The following SMAD3 variants were observed in gnomAD, a reference collection of about 807,000 sequenced individuals.
SMAD3 encodes MAD homolog 3.
SMAD3 carries 12 observed loss-of-function variants against 51.8 expected under a neutral mutation model. The ratio of observed to expected loss-of-function variants is 0.23; its 90% CI spans 0.15 to 0.38. SMAD3 has a LOEUF of 0.38. SMAD3 is among the 10% of genes least tolerant of loss of function. The probability of loss-of-function intolerance (pLI) is 1.00; values close to 1 mark genes in which losing one functional copy is unlikely to be tolerated. For missense variants in SMAD3, 294 were observed against 565.6 expected (o/e 0.52, Z 4.87); for synonymous variants, 238 against 227.7 (o/e 1.05, Z -0.41).
rs58255931 is a variant in SMAD3 at position 67,113,096 on chromosome 15, T to TATATATATATATATATATATATA, written c.206+46736_206+46737insATATATATATATATATATATATA. Among the ~76,000 whole-genome samples, 280 of 86,836 alleles carry TATATATATATATATATATATATA rather than the reference T, an allele frequency of 3.2e-3. 16 individuals are homozygous for TATATATATATATATATATATATA. Among genetic ancestry groups the TATATATATATATATATATATATA allele is most frequent in the Middle Eastern group, 4.8e-3 (1 of 208 alleles). 57.0% of individuals were successfully genotyped at this position (86,836 alleles called of 152,430 possible). ...TATGTGTATATATATATATATATATTTTTTTGAGACAGAGTCTTGCTCTGT... is the reference window on the plus strand; with the variant it reads ...TATGTGTATATATATATATATATATTATATATATATATATATATATATATTTTTGAGACAGAGTCTTGCTCTGT... On this transcript the variant is annotated intron_variant, in intron 1 of 8. Coordinates refer to ENST00000327367, the MANE Select transcript of SMAD3 (RefSeq NM_005902.4).
rs561381522 is a variant in SMAD3 at position 67,108,296 on chromosome 15, C to G, written c.206+41936C>G. ...CACCATGGGAGAGGTCTGTGAAAATCACTGGAATTGAAAATGACCATGCTT... is the reference window on the plus strand; with the variant it reads ...CACCATGGGAGAGGTCTGTGAAAATGACTGGAATTGAAAATGACCATGCTT... On this transcript the variant is annotated intron_variant, in intron 1 of 8. Coordinates refer to ENST00000327367, the MANE Select transcript of SMAD3 (RefSeq NM_005902.4). 2.0e-4 allele frequency among the ~76,000 whole-genome samples: 30 copies of G among 152,242 alleles called. No individual in the cohort carries two copies. The East Asian group carries it at 4.0e-3, about 21-fold the overall frequency.
chr15:67,157,967 A>G (rs17228058), intron 1 of SMAD3, among the ~76,000 whole-genome samples: 26,400 of 152,176 alleles, frequency 0.17, 2,848 homozygotes, highest in Non-Finnish European at 0.24. Context: ...GGGGTCTCTC[A>G]TCAGGAAGCC....
At chr15:67,158,000 G>A (rs570160285) in intron 1 of SMAD3, among the ~76,000 whole-genome samples, 5 of 152,300 alleles carry the variant, frequency 3.3e-5, no homozygotes, top group Admixed American at 1.3e-4. Flanking sequence ...AGAGATCTCA[G>A]TCATAAATGG....
chr15:67,150,191 C>T (rs1018445023), intron 1 of SMAD3, among the ~76,000 whole-genome samples: 20 of 152,214 alleles, frequency 1.3e-4, no homozygotes, highest in Admixed American at 4.6e-4. Context: ...GTCACTGAGT[C>T]GCCCGGTTGA....
intron 1 of SMAD3, among the ~76,000 whole-genome samples, chr15:67,087,189 T>C: frequency 6.6e-6 from 1 of 152,160 alleles, no homozygotes; most frequent in East Asian, 1.9e-4. Flanking sequence ...CACCAGCCTC[T>C]TCTCCTTTCT....
At chr15:67,189,461 C>A (rs1328137544) in intron 8 of SMAD3, among the ~76,000 whole-genome samples, 1 of 152,236 alleles carries the variant, frequency 6.6e-6, no homozygotes, top group African/African-American at 2.4e-5. Flanking sequence ...ACACTATCAC[C>A]ACGCGGGATG....
Position 67,166,699 on chromosome 15 carries a change from T to C in SMAD3, c.533-80T>C, listed in dbSNP as rs1241960184. 6.9e-6 allele frequency: 6 copies of C among 874,538 alleles called. No individual in the cohort carries two copies. In the East Asian group the frequency reaches 7.9e-5, roughly 11 times the overall value. The allele number at this position is 874,538 out of a possible 1,614,324, so 54.2% of individuals were successfully genotyped here. A position where few individuals can be genotyped will look rare whatever the true frequency, so the allele number is the denominator to read the frequency against. On this transcript the variant is annotated intron_variant, in intron 3 of 8. Transcript: ENST00000327367. Reference sequence around the variant, plus strand: ...ACGGATGCTAGCATCATGGTGTGCATGTGTGATGTCTTTGCAAAAGGTGTC... The same window carrying C: ...ACGGATGCTAGCATCATGGTGTGCACGTGTGATGTCTTTGCAAAAGGTGTC...
At chr15:67,099,054 TG>T (rs202107810) in intron 1 of SMAD3, 1 of 556,568 alleles carries the variant, frequency 1.8e-6, no homozygotes. Flanking sequence ...CTCCTTTCTG[TG>T]GTTGCCGCCC....
chr15:67,179,199 A>G (rs1962986911), intron 5 of SMAD3, among the ~76,000 whole-genome samples: 1 of 152,196 alleles, frequency 6.6e-6, no homozygotes, highest in South Asian at 2.1e-4. Context: ...GTCTGTCTGG[A>G]GGATGGCTTT....
chr15:67,109,663 G>C (rs1960957927), intron 1 of SMAD3, among the ~76,000 whole-genome samples: 1 of 152,198 alleles, frequency 6.6e-6, no homozygotes, highest in African/African-American at 2.4e-5. Flanking sequence ...AAAAGCGAGA[G>C]GGGGAAACAC....
intron 1 of SMAD3, among the ~76,000 whole-genome samples, chr15:67,113,599 C>T (rs1595906880): frequency 6.6e-6 from 1 of 152,160 alleles, no homozygotes; most frequent in Non-Finnish European, 1.5e-5. Context: ...TGGAAGTAGC[C>T]TGCACATTTG....
At chr15:67,067,062 T>TCCCACCC (rs1959939555) in intron 1 of SMAD3, among the ~76,000 whole-genome samples, 3 of 146,748 alleles carry the variant, frequency 2.0e-5, no homozygotes, top group Non-Finnish European at 1.5e-5. Flanking sequence ...TTCTCCCACC[T>TCCCACCC]CCCACCCCCC....
chr15:67,099,131 C>G, intron 1 of SMAD3: 1 of 653,112 alleles, frequency 1.5e-6, no homozygotes, highest in Admixed American at 2.1e-5. Context: ...AATACACTGA[C>G]ATGAGAAGAA....
intron 1 of SMAD3, chr15:67,099,137 A>G: frequency 3.1e-6 from 2 of 648,012 alleles, no homozygotes; most frequent in Non-Finnish European, 5.7e-6. Context: ...CTGACATGAG[A>G]AGAAGTAGCC....
At chr15:67,119,514 G>A (rs1204799273) in intron 1 of SMAD3, among the ~76,000 whole-genome samples, 2 of 152,302 alleles carry the variant, frequency 1.3e-5, no homozygotes, top group African/African-American at 4.8e-5. Flanking sequence ...GACCGTGGGT[G>A]GGGAGCGCAT....
chr15:67,182,081 C>G (rs1315628131), intron 6 of SMAD3, among the ~76,000 whole-genome samples: 3 of 152,194 alleles, frequency 2.0e-5, no homozygotes, highest in Non-Finnish European at 4.4e-5. Flanking sequence ...GCCACCGTGC[C>G]TGGCTGAAAT....
At chr15:67,071,806 T>C (rs533932894) in intron 1 of SMAD3, among the ~76,000 whole-genome samples, 2 of 152,112 alleles carry the variant, frequency 1.3e-5, no homozygotes, top group Non-Finnish European at 2.9e-5. Context: ...AGCGAGACTC[T>C]GTCTCAAAAT....
chr15:67,098,758 G>GC, intron 1 of SMAD3: 1 of 640,450 alleles, frequency 1.6e-6, no homozygotes, highest in Non-Finnish European at 2.8e-6. Context: ...GGCCTCCACA[G>GC]CCCCCGGAAG....
At chr15:67,180,475 C>T (rs1963021954) in intron 5 of SMAD3, among the ~76,000 whole-genome samples, 1 of 151,156 alleles carries the variant, frequency 6.6e-6, no homozygotes, top group African/African-American at 2.4e-5. Flanking sequence ...GGAGACTGTA[C>T]AGACAACTGG....
Sources: gnomAD v4.1 joint callset for allele counts (sites outside exome capture counted in the v4.1 genomes callset) on GRCh38, gnomAD v4.1.1 for gene constraint, MANE v1.5 for transcripts, NCBI Gene and HGNC (gene_info 2026-07-23, HGNC 2026-07-21) for gene names.